Variants in DLG1 observed in about 807,000 individuals in gnomAD.
The protein encoded by DLG1 is disks large homolog 1.
A neutral mutation model predicts 123.4 loss-of-function variants in DLG1; 42 were observed. The ratio of observed to expected loss-of-function variants is 0.34; its 90% CI spans 0.27 to 0.44. The LOEUF is 0.44. Among genes scored for constraint, DLG1 ranks in the 20% least tolerant of loss-of-function variants. The pLI is 1.00. For synonymous variants in DLG1, 317 were observed against 356.2 expected (o/e 0.89, Z 1.24); for missense variants, 942 against 1,082.6 (o/e 0.87, Z 1.82).
chr3:197,286,192 G>A (rs1343513171), intron 3 of DLG1, among the ~76,000 whole-genome samples: 1 of 152,202 alleles, frequency 6.6e-6, no homozygotes, highest in Non-Finnish European at 1.5e-5. Context: ...AAAAAGATCA[G>A]TGGTTTTCAG....
Position 197,044,737 on chromosome 3 carries a change from G to C in DLG1, c.2576-8C>G. The C allele has an allele frequency of 6.7e-7, 1 of 1,481,866 alleles. No individual in the cohort carries two copies. Among genetic ancestry groups the C allele is most frequent in the Non-Finnish European group, 9.1e-7 (1 of 1,094,036 alleles). 91.8% of individuals were successfully genotyped at this position (1,481,866 alleles called of 1,614,324 possible). A position where few individuals can be genotyped will look rare whatever the true frequency, so the allele number is the denominator to read the frequency against. ...TATCCCCCTGTACAATAGCTGTAAT[G>C]ATAGAAACAAAATCAGAAATCTCCA... On this transcript the variant is annotated splice_polypyrimidine_tract_variant and splice_region_variant and intron_variant, in intron 24 of 24. Transcript: ENST00000667157.
intron 19 of DLG1, among the ~76,000 whole-genome samples, chr3:197,067,117 T>C (rs1241816432): frequency 2.0e-5 from 3 of 152,130 alleles, no homozygotes; most frequent in Admixed American, 2.0e-4. Flanking sequence ...ATCATCTATC[T>C]ACGTATTAGG....
chr3:197,281,022 C>CT (rs34918314), intron 4 of DLG1, among the ~76,000 whole-genome samples: 2,119 of 133,560 alleles, frequency 0.016, 39 homozygotes, highest in East Asian at 0.037. Context: ...TGTGGAGGCT[C>CT]TTTTTTTTTT....
chr3:197,275,998 T>C (rs34121928), intron 4 of DLG1, among the ~76,000 whole-genome samples: 36,932 of 152,146 alleles, frequency 0.24, 5,661 homozygotes, highest in East Asian at 0.71. Flanking sequence ...CATATAAATA[T>C]GTATAATTAT....
rs1387929604 is a variant in DLG1, at chr3:197,107,956, CAGAGATACCCTTTAACAGGTTGA to C, written c.1444-2974_1444-2952del. Among the ~76,000 whole-genome samples the C allele has an allele frequency of 2.6e-5, 4 of 152,176 alleles. No individual in the cohort carries two copies. In the East Asian group the frequency reaches 7.7e-4, roughly 29 times the overall value. On this transcript the variant is annotated intron_variant, in intron 13 of 24. Coordinates refer to ENST00000667157, the MANE Select transcript of DLG1 (RefSeq NM_001366207.1). ...AGTATGATGTCAGCTATAGGGTTTCCAGAGATACCCTTTAACAGGTTGAAGTTCCCTTTTATTCCTAGTCTATT... is the reference window on the plus strand; with the variant it reads ...AGTATGATGTCAGCTATAGGGTTTCCAGTTCCCTTTTATTCCTAGTCTATT...
intron 4 of DLG1, among the ~76,000 whole-genome samples, chr3:197,244,473 T>G (rs911060223): frequency 2.0e-5 from 3 of 152,140 alleles, no homozygotes; most frequent in African/African-American, 7.2e-5. Context: ...TTTCAATGAT[T>G]AGGTTTGTTT....
chr3:197,263,862 G>C (rs1402055584), intron 4 of DLG1, among the ~76,000 whole-genome samples: 1 of 152,154 alleles, frequency 6.6e-6, no homozygotes, highest in African/African-American at 2.4e-5. Flanking sequence ...GGGGATAGCA[G>C]GGTGACCACA....
At chr3:197,119,634 T>G in intron 11 of DLG1, 104 bp from the exon 12 acceptor site, 1 of 1,118,796 alleles carries the variant, frequency 8.9e-7, no homozygotes, top group African/African-American at 1.6e-5. Context: ...CCTTTATATA[T>G]CAGAATTTGG....
At chr3:197,117,146 T>A (rs61127094) in intron 12 of DLG1, among the ~76,000 whole-genome samples, 1 of 152,104 alleles carries the variant, frequency 6.6e-6, no homozygotes, top group East Asian at 1.9e-4. Context: ...ACTTCAGGTC[T>A]ACTAGGATGG....
intron 4 of DLG1, among the ~76,000 whole-genome samples, chr3:197,235,269 G>A (rs759408385): frequency 3.0e-4 from 45 of 152,154 alleles, no homozygotes; most frequent in Non-Finnish European, 4.7e-4. Context: ...TCAAGGAGAC[G>A]GAAGCACTGG....
At chr3:197,168,531 G>A (rs955245746) in intron 5 of DLG1, among the ~76,000 whole-genome samples, 5 of 152,124 alleles carry the variant, frequency 3.3e-5, no homozygotes, top group African/African-American at 1.2e-4. Context: ...TAAAACTCCG[G>A]GGAGCTGTAT....
intron 4 of DLG1, among the ~76,000 whole-genome samples, chr3:197,212,988 C>T (rs915357847): frequency 2.6e-5 from 4 of 152,138 alleles, no homozygotes; most frequent in African/African-American, 7.2e-5. Context: ...AAATGTGGAG[C>T]GACTGGGACT....
At chr3:197,167,793 A>C (rs114571920) in intron 5 of DLG1, among the ~76,000 whole-genome samples, 3,112 of 151,750 alleles carry the variant, frequency 0.021, 103 homozygotes, top group Admixed American at 0.077. Context: ...TGCCATAATC[A>C]AAGTAACAAA....
At chr3:197,127,537 T>C (rs921564320) in intron 11 of DLG1, among the ~76,000 whole-genome samples, 4 of 133,938 alleles carry the variant, frequency 3.0e-5, no homozygotes, top group Non-Finnish European at 6.2e-5. Context: ...TTAAGAACAA[T>C]TTAATCAACT....
intron 5 of DLG1, among the ~76,000 whole-genome samples, chr3:197,164,076 G>C (rs1169624081): frequency 2.0e-5 from 3 of 151,930 alleles, no homozygotes; most frequent in South Asian, 4.2e-4. Context: ...TAATTTGGCA[G>C]TAAATATCTA....
At chr3:197,082,898 C>G (rs1752067760) in intron 16 of DLG1, among the ~76,000 whole-genome samples, 1 of 152,058 alleles carries the variant, frequency 6.6e-6, no homozygotes, top group Admixed American at 6.6e-5. Flanking sequence ...GTGAAGCCAA[C>G]AGTGTTTATT....
intron 4 of DLG1, among the ~76,000 whole-genome samples, chr3:197,198,272 G>A (rs1299024284): frequency 2.0e-5 from 3 of 152,090 alleles, no homozygotes; most frequent in Non-Finnish European, 4.4e-5. Flanking sequence ...GGCAGATCAC[G>A]AGGTCAGGAG....
intron 22 of DLG1, among the ~76,000 whole-genome samples, chr3:197,064,762 A>G (rs1738400672): frequency 6.6e-6 from 1 of 152,138 alleles, no homozygotes; most frequent in African/African-American, 2.4e-5. Context: ...GGCCATAAAA[A>G]AAGTTTTTTA....
intron 4 of DLG1, among the ~76,000 whole-genome samples, chr3:197,229,891 A>G (rs1221468428): frequency 6.6e-6 from 1 of 152,262 alleles, no homozygotes; most frequent in Non-Finnish European, 1.5e-5. Flanking sequence ...AAAAAGTATT[A>G]TAACGTCCAT....
Sources: allele counts gnomAD v4.1 joint callset (sites outside exome capture counted in the v4.1 genomes callset), GRCh38; gene constraint gnomAD v4.1.1; transcripts MANE v1.5; gene names NCBI Gene and HGNC (gene_info 2026-07-23, HGNC 2026-07-21).